The following TRIO variants were observed in gnomAD, a reference collection of about 807,000 sequenced individuals.
TRIO encodes the protein triple functional domain protein.
Under a neutral mutation model 351.9 loss-of-function variants are expected in TRIO, and 58 were observed. That is an observed-to-expected ratio of 0.16 (90% CI 0.13 to 0.21). TRIO has a LOEUF of 0.21. TRIO is among the 10% of genes least tolerant of loss of function. The probability of loss-of-function intolerance (pLI) is 1.00; values close to 1 mark genes in which losing one functional copy is unlikely to be tolerated. For synonymous variants in TRIO, 1,758 were observed against 1,595.7 expected (o/e 1.10, Z -2.42); for missense variants, 3,201 against 4,027.8 (o/e 0.79, Z 5.56).
chr5:14,167,504 C>G (rs7734284), intron 1 of TRIO, among the ~76,000 whole-genome samples: 472 of 152,184 alleles, frequency 3.1e-3, no homozygotes, highest in Middle Eastern at 0.017. Flanking sequence ...AGCAGGATTC[C>G]AAAAACAGTC....
chr5:14,237,476 C>A (rs1198095928), intron 1 of TRIO, among the ~76,000 whole-genome samples: 1 of 152,150 alleles, frequency 6.6e-6, no homozygotes, highest in East Asian at 1.9e-4. Flanking sequence ...GCCTTGAACA[C>A]CAGAGAATCC....
intron 1 of TRIO, among the ~76,000 whole-genome samples, chr5:14,192,346 A>G (rs1476412151): frequency 6.7e-6 from 1 of 149,010 alleles, no homozygotes; most frequent in African/African-American, 2.5e-5. Context: ...TGCAACTTCT[A>G]CCTCCTGGGC....
chr5:14,419,725 G>A, intron 33 of TRIO, 53 bp from the exon 34 acceptor site: 1 of 1,595,246 alleles, frequency 6.3e-7, no homozygotes, highest in Non-Finnish European at 8.6e-7. Context: ...TGTACCTGAA[G>A]GCACCATGGC....
At chr5:14,164,564 G>A (rs571102839) in intron 1 of TRIO, among the ~76,000 whole-genome samples, 1 of 152,316 alleles carries the variant, frequency 6.6e-6, no homozygotes, top group African/African-American at 2.4e-5. Flanking sequence ...GTTGTGCCAC[G>A]CTCAGGATCT....
chr5:14,497,085 ACT>A lies in TRIO; in HGVS notation c.8019+71_8019+72del, dbSNP rs1756950231. The A allele has an allele frequency of 4.4e-6, 7 of 1,581,440 alleles. No individual in the cohort carries two copies. The highest frequency in any genetic ancestry group is 1.2e-5 in the South Asian group (1 of 86,312). ...AGAGAAAGGATCAGGGAGGGCAGAG[ACT>A]CTGCAGACCTGAAGCTGGGCTTGCT... On this transcript the variant is annotated intron_variant, in intron 50 of 56. Transcript: ENST00000344204. This position sits in a 1 kb window ranked among gnomAD's most constrained non-coding sequence, Gnocchi z 4.4.
At chr5:14,365,818 T>G (rs562090600) in intron 15 of TRIO, among the ~76,000 whole-genome samples, 1 of 152,312 alleles carries the variant, frequency 6.6e-6, no homozygotes, top group African/African-American at 2.4e-5. Flanking sequence ...ATGGCTGGCC[T>G]TTCCCTTCTG....
chr5:14,194,776 A>G (rs575886916), intron 1 of TRIO, among the ~76,000 whole-genome samples: 5 of 152,378 alleles, frequency 3.3e-5, no homozygotes, highest in African/African-American at 7.2e-5. Context: ...ACATATATGC[A>G]TACGTCTTTT....
At chr5:14,200,325 G>A (rs529391674) in intron 1 of TRIO, among the ~76,000 whole-genome samples, 14 of 152,240 alleles carry the variant, frequency 9.2e-5, no homozygotes, top group East Asian at 3.9e-4. Flanking sequence ...TCCTGCCCGC[G>A]CCCATGATGT....
intron 1 of TRIO, among the ~76,000 whole-genome samples, chr5:14,178,886 C>T (rs1421681817): frequency 6.6e-6 from 1 of 152,192 alleles, no homozygotes; most frequent in Non-Finnish European, 1.5e-5. Flanking sequence ...GAAGAAGCCT[C>T]CTCCCCATAG....
intron 8 of TRIO, among the ~76,000 whole-genome samples, chr5:14,309,792 C>T (rs138405860): frequency 1.3e-5 from 2 of 152,308 alleles, no homozygotes; most frequent in African/African-American, 2.4e-5. Flanking sequence ...ATAAGCAGGG[C>T]TTGCTTTGCT....
At chr5:14,308,874 A>G (rs1738646473) in intron 8 of TRIO, among the ~76,000 whole-genome samples, 1 of 151,644 alleles carries the variant, frequency 6.6e-6, no homozygotes, top group African/African-American at 2.4e-5. Context: ...TAAATTGCCC[A>G]TCCATTGACT....
chr5:14,482,579 T>C lies in TRIO; in HGVS notation c.6466-3T>C, dbSNP rs373043633. On this transcript the variant is annotated splice_polypyrimidine_tract_variant and splice_region_variant and intron_variant, in intron 45 of 56. Coordinates refer to ENST00000344204, the MANE Select transcript of TRIO (RefSeq NM_007118.4). ...CCTTTTCCCCCTTTATTTCTTGTTT[T>C]AGGGGAAAATCGTTGCCCAGGGTAA... is the stretch of plus-strand genomic sequence containing the variant. The C allele has an allele frequency of 2.9e-5, 41 of 1,436,434 alleles. No individual in the cohort carries two copies. The highest frequency in any genetic ancestry group is 1.2e-4 in the Admixed American group (5 of 40,592). The allele number at this position is 1,436,434 out of a possible 1,614,324, so 89.0% of individuals were successfully genotyped here. A position where few individuals can be genotyped will look rare whatever the true frequency, so the allele number is the denominator to read the frequency against.
chr5:14,291,574 A>G lies in TRIO; in HGVS notation c.1053+346A>G, dbSNP rs191653989. ...GAGGCCGAGGTGGGCTGATCACCTG[A>G]GGTCAGGAGATTGAGACCAGTCTGG... On this transcript the variant is annotated intron_variant, in intron 5 of 56. Transcript: ENST00000344204. Among the ~76,000 whole-genome samples the G allele has an allele frequency of 3.3e-3, 500 of 151,972 alleles. 3 individuals are homozygous for G. The highest frequency in any genetic ancestry group is 0.011 in the African/African-American group (467 of 41,404).
intron 1 of TRIO, among the ~76,000 whole-genome samples, chr5:14,158,810 A>G (rs774815788): frequency 6.6e-5 from 10 of 152,252 alleles, no homozygotes; most frequent in East Asian, 5.8e-4. Context: ...TAGCCTGGGC[A>G]ACAGAGCGAT....
At chr5:14,439,698 G>A (rs191526392) in intron 34 of TRIO, among the ~76,000 whole-genome samples, 1 of 152,252 alleles carries the variant, frequency 6.6e-6, no homozygotes, top group Admixed American at 6.5e-5. Context: ...CCTCTCGCTG[G>A]GTCCTGGCAT....
chr5:14,306,502 C>A (rs951191182), intron 8 of TRIO, among the ~76,000 whole-genome samples: 10 of 152,306 alleles, frequency 6.6e-5, no homozygotes, highest in African/African-American at 2.4e-4. Flanking sequence ...ACACAGAAAG[C>A]AAATGACCCT....
At chr5:14,403,041 C>CAT (rs1748232783) in intron 31 of TRIO, among the ~76,000 whole-genome samples, 1 of 88,116 alleles carries the variant, frequency 1.1e-5, no homozygotes, top group African/African-American at 4.6e-5. Flanking sequence ...GGTGAAGGTG[C>CAT]AGGTTGTGGT....
intron 1 of TRIO, among the ~76,000 whole-genome samples, chr5:14,242,961 C>G (rs1330718381): frequency 6.6e-6 from 1 of 152,172 alleles, no homozygotes; most frequent in Non-Finnish European, 1.5e-5. Context: ...TTTGGGATAC[C>G]TTGCTCGGGC....
chr5:14,451,055 T>G (rs1018105762), intron 34 of TRIO, among the ~76,000 whole-genome samples: 5 of 152,334 alleles, frequency 3.3e-5, no homozygotes, highest in African/African-American at 1.2e-4. Context: ...GGAGAAATGT[T>G]TTAAAAATAC....
Sources: allele counts gnomAD v4.1 joint callset (sites outside exome capture counted in the v4.1 genomes callset), GRCh38; gene constraint gnomAD v4.1.1; non-coding constraint Gnocchi (gnomAD v3.1); transcripts MANE v1.5; gene names NCBI Gene and HGNC (gene_info 2026-07-23, HGNC 2026-07-21).